The following DR1 variants were observed in gnomAD, a reference collection of about 807,000 sequenced individuals.
DR1 encodes the protein protein Dr1.
DR1 carries 7 observed loss-of-function variants against 19.9 expected under a neutral mutation model. The observed-to-expected ratio is 0.35, with a 90% CI of 0.20 to 0.66. The LOEUF is 0.66. DR1 is among the 30% of genes least tolerant of loss of function. The pLI is 0.66. For synonymous variants in DR1, 76 were observed against 72.5 expected (o/e 1.05, Z -0.24); for missense variants, 98 against 203.7 (o/e 0.48, Z 3.16).
rs1667043414 is a variant in DR1, at chr1:93,360,849, A to G, written c.*210A>G. 2.0e-6 allele frequency: 1 copy of G among 505,544 alleles called. No individual in the cohort carries two copies. The highest frequency in any genetic ancestry group is 4.5e-5 in the Admixed American group (1 of 22,312). The allele number at this position is 505,544 out of a possible 1,614,324, so 31.3% of individuals were successfully genotyped here. A position where few individuals can be genotyped will look rare whatever the true frequency, so the allele number is the denominator to read the frequency against. ...TATTGAAAATTTAAGGTTCAGTATA[A>G]TATCAATTTTGAATTTTTAATGGTG... On this transcript the variant is annotated 3_prime_UTR_variant, in exon 3 of 3. Coordinates refer to ENST00000370272, the MANE Select transcript of DR1 (RefSeq NM_001938.3).
chr1:93,353,103 C>T (rs1047142779), intron 1 of DR1, among the ~76,000 whole-genome samples: 39 of 152,094 alleles, frequency 2.6e-4, no homozygotes, highest in African/African-American at 8.4e-4. Context: ...CCATGTTGCC[C>T]GCGGTGGTCT....
At position 93,363,688 on chromosome 1, in the gene DR1, CAT is replaced by C. The variant is rs1667086553; in HGVS notation, c.*3050_*3051del. On this transcript the variant is annotated 3_prime_UTR_variant, in exon 3 of 3. Transcript: ENST00000370272. Reference sequence around the variant, plus strand: ...TATCTCAAGATCCTTAATTTAATCACATCTGCAGAATCTCTTTTGCCATATAA... The same window carrying C: ...TATCTCAAGATCCTTAATTTAATCACCTGCAGAATCTCTTTTGCCATATAA... The C allele has an allele frequency of 6.6e-6, 1 of 152,242 alleles. No individual in the cohort carries two copies. The highest frequency in any genetic ancestry group is 2.4e-5 in the African/African-American group (1 of 41,478). 9.4% of individuals were successfully genotyped at this position (152,242 alleles called of 1,614,324 possible).
At chr1:93,356,486 A>G (rs1349360236) in intron 2 of DR1, among the ~76,000 whole-genome samples, 1 of 152,196 alleles carries the variant, frequency 6.6e-6, no homozygotes, top group Admixed American at 6.5e-5. Context: ...CGTGGTAGCT[A>G]AAAGTCAATT....
rs1396188140 is a variant in DR1 at position 93,361,673 on chromosome 1, G to T, written c.*1034G>T. 1.3e-5 allele frequency: 2 copies of T among 152,328 alleles called. No homozygotes were observed. Among genetic ancestry groups the T allele is most frequent in the Non-Finnish European group, 2.9e-5 (2 of 67,866 alleles). 9.4% of individuals were successfully genotyped at this position (152,328 alleles called of 1,614,324 possible). Reference sequence around the variant, plus strand: ...GGCCTAGAGTCCAACATTACCTTTTGAGATGACATTATTGTCTCCATAATT... The same window carrying T: ...GGCCTAGAGTCCAACATTACCTTTTTAGATGACATTATTGTCTCCATAATT... On this transcript the variant is annotated 3_prime_UTR_variant, in exon 3 of 3. Coordinates refer to ENST00000370272, the MANE Select transcript of DR1 (RefSeq NM_001938.3).
At chr1:93,354,362 T>C (rs1666953447) in intron 2 of DR1, among the ~76,000 whole-genome samples, 1 of 152,188 alleles carries the variant, frequency 6.6e-6, no homozygotes, top group Non-Finnish European at 1.5e-5. Flanking sequence ...ATTCTTAAGA[T>C]TTAAAATGAT....
intron 2 of DR1, among the ~76,000 whole-genome samples, chr1:93,357,273 C>G (rs2038698): frequency 0.075 from 11,405 of 152,132 alleles, 514 homozygotes; most frequent in Middle Eastern, 0.11. Flanking sequence ...ATTTCTTCCT[C>G]TTTGCCTTTA....
intron 2 of DR1, among the ~76,000 whole-genome samples, chr1:93,356,642 A>C (rs990099639): frequency 6.6e-6 from 1 of 152,148 alleles, no homozygotes; most frequent in Non-Finnish European, 1.5e-5. Context: ...GTAGTTGATT[A>C]GACCACAAAA....
Position 93,366,063 on chromosome 1 carries a change from T to G in DR1, c.*5424T>G, listed in dbSNP as rs1198874634. 6.6e-6 allele frequency: 1 copy of G among 152,242 alleles called. No homozygotes were observed. The highest frequency in any genetic ancestry group is 2.4e-5 in the African/African-American group (1 of 41,456). The allele number at this position is 152,242 out of a possible 1,614,324, so 9.4% of individuals were successfully genotyped here. ...TCTTCATCTTCCCAAACTGAAATTA[T>G]GTATTCATTAAACAATAACCACCCA... On this transcript the variant is annotated 3_prime_UTR_variant, in exon 3 of 3. Transcript: ENST00000370272.
intron 2 of DR1, among the ~76,000 whole-genome samples, chr1:93,359,568 C>T (rs1667029901): frequency 6.6e-6 from 1 of 152,052 alleles, no homozygotes; most frequent in Non-Finnish European, 1.5e-5. Context: ...CTGAGTTGGA[C>T]TTAAAGAACA....
Position 93,361,742 on chromosome 1 carries a change from A to G in DR1, c.*1103A>G, listed in dbSNP as rs988570634. ...AAAGATTAGTTTTGCTTAAGAAGTT[A>G]TGTTACAACTGATCAGCCCTATATG... On this transcript the variant is annotated 3_prime_UTR_variant, in exon 3 of 3. Transcript: ENST00000370272. 8.5e-5 allele frequency: 13 copies of G among 152,498 alleles called. No individual in the cohort carries two copies. The highest frequency in any genetic ancestry group is 2.9e-4 in the African/African-American group (12 of 41,450). The allele number at this position is 152,498 out of a possible 1,614,324, so 9.4% of individuals were successfully genotyped here.
In DR1 at chr1:93,361,043, A is replaced by AG. The variant is rs71311970; in HGVS notation, c.*412dup. 78 of 147,940 alleles carry AG rather than the reference A, an allele frequency of 5.3e-4. 1 individual carries two copies. The highest frequency in any genetic ancestry group is 3.3e-3 in the East Asian group (15 of 4,598). 9.2% of individuals were successfully genotyped at this position (147,940 alleles called of 1,614,324 possible). A position where few individuals can be genotyped will look rare whatever the true frequency, so the allele number is the denominator to read the frequency against. On this transcript the variant is annotated 3_prime_UTR_variant, in exon 3 of 3. Coordinates refer to ENST00000370272, the MANE Select transcript of DR1 (RefSeq NM_001938.3). ...AAAACTTGTGAATTTTAAATTATTA[A>AG]GGGGGGGGTGCTGTGTGAATCAGTA...
chr1:93,358,673 C>A (rs1667021438), intron 2 of DR1, among the ~76,000 whole-genome samples: 1 of 152,152 alleles, frequency 6.6e-6, no homozygotes, highest in Admixed American at 6.5e-5. Flanking sequence ...CCAGCATTTT[C>A]CTTTATTCCC....
chr1:93,355,589 A>AT (rs1666970783), intron 2 of DR1: 1 of 152,250 alleles, frequency 6.6e-6, no homozygotes, highest in African/African-American at 2.4e-5. Context: ...TTTAAATAGA[A>AT]TATGTATTAT....
chr1:93,346,696 T>A lies in DR1; in HGVS notation c.51T>A (p.Ala17=), dbSNP rs1666847615. The part of the protein sequence containing the change: ...NDDDLTIPRA[A]INKMIKETLP... The stretch of plus-strand genomic sequence containing the variant: ...ATGATCTCACTATCCCCAGAGCTGC[T>A]ATCAATAAAATGATCAAAGAGACTC... Residue 17 remains alanine (A), a synonymous_variant, in exon 1 of 3, where the codon GCT becomes GCA. Coordinates refer to ENST00000370272, the MANE Select transcript of DR1 (RefSeq NM_001938.3). The A allele has an allele frequency of 6.2e-7, 1 of 1,613,980 alleles. No homozygotes were observed. Among genetic ancestry groups the A allele is most frequent in the South Asian group, 1.1e-5 (1 of 91,084 alleles).
intron 1 of DR1, among the ~76,000 whole-genome samples, chr1:93,347,456 CT>C (rs1666864665): frequency 6.6e-6 from 1 of 152,170 alleles, no homozygotes; most frequent in African/African-American, 2.4e-5. Context: ...CAAATAACTC[CT>C]GTTCCATTCT....
chr1:93,357,099 G>T (rs902966607), intron 2 of DR1, among the ~76,000 whole-genome samples: 2 of 152,138 alleles, frequency 1.3e-5, no homozygotes, highest in Non-Finnish European at 2.9e-5. Context: ...ATATGCTATT[G>T]TGTTAGAATC....
intron 2 of DR1, among the ~76,000 whole-genome samples, chr1:93,356,808 G>A (rs568611373): frequency 4.6e-4 from 69 of 150,374 alleles, no homozygotes; most frequent in African/African-American, 1.6e-3. Context: ...TGCAACCTCC[G>A]CCTCCCGGGT....
Position 93,356,692 on chromosome 1 carries a change from T to G in DR1, c.384+2621T>G, listed in dbSNP as rs551477480. Among the ~76,000 whole-genome samples, 7 of 151,914 alleles carry G rather than the reference T, an allele frequency of 4.6e-5. No individual in the cohort carries two copies. In the South Asian group the frequency reaches 1.5e-3, roughly 32 times the overall value. On this transcript the variant is annotated intron_variant, in intron 2 of 2. Coordinates refer to ENST00000370272, the MANE Select transcript of DR1 (RefSeq NM_001938.3). The stretch of plus-strand genomic sequence containing the variant: ...TGTTGGTTGAATTTATGTATTTGAT[T>G]TGCCCTGCAATTTTCTTATGAACTC...
At position 93,346,707 on chromosome 1, in the gene DR1, T is replaced by A; in HGVS notation, c.62T>A (p.Met21Lys). 6.2e-7 allele frequency: 1 copy of A among 1,614,096 alleles called. No individual in the cohort carries two copies. Among genetic ancestry groups the A allele is most frequent in the East Asian group, 2.2e-5 (1 of 44,868 alleles). ...LTIPRAAINK[M>K]IKETLPNVRV... ...ATCCCCAGAGCTGCTATCAATAAAA[T>A]GATCAAAGAGACTCTTCCTAATGTC... Residue 21 changes from methionine (M) to lysine (K), a missense_variant, in exon 1 of 3, where the codon ATG becomes AAG. Met to Lys is a moderately conservative substitution (Grantham distance 95). Transcript: ENST00000370272.
Sources: allele counts gnomAD v4.1 joint callset (sites outside exome capture counted in the v4.1 genomes callset), GRCh38; gene constraint gnomAD v4.1.1; transcripts MANE v1.5; gene names NCBI Gene and HGNC (gene_info 2026-07-23, HGNC 2026-07-21).